The following XYLT1 variants were observed in gnomAD, a reference collection of about 807,000 sequenced individuals.
XYLT1 encodes beta-D-xylosyltransferase 1.
In XYLT1, 36 loss-of-function variants were observed where a neutral mutation model predicts 91.3. The observed-to-expected ratio is 0.39, with a 90% confidence interval of 0.30 to 0.52. The LOEUF (loss-of-function observed/expected upper bound fraction) is 0.52, where lower values mean the gene tolerates loss of function less well. XYLT1 is among the 20% of genes least tolerant of loss of function. The pLI is 0.68. For missense variants in XYLT1, 1,242 were observed against 1,284.5 expected (o/e 0.97, Z 0.51); for synonymous variants, 588 against 532.0 (o/e 1.11, Z -1.45).
At chr16:17,453,036 T>C (rs1333016170) in intron 1 of XYLT1, among the ~76,000 whole-genome samples, 2 of 152,238 alleles carry the variant, frequency 1.3e-5, no homozygotes, top group Non-Finnish European at 2.9e-5. Flanking sequence ...CATCTGGGAA[T>C]TCCACTCTGG....
intron 2 of XYLT1, among the ~76,000 whole-genome samples, chr16:17,261,889 C>T (rs1448213442): frequency 6.6e-6 from 1 of 152,120 alleles, no homozygotes; most frequent in Admixed American, 6.5e-5. Context: ...TAAATGAGGG[C>T]CTTCTGCTTC....
rs1966768417 is a variant in XYLT1 at position 17,105,960 on chromosome 16, C to T, written c.*2735G>A. 1 of 151,752 alleles carries T rather than the reference C, an allele frequency of 6.6e-6. No homozygotes were observed. Among genetic ancestry groups the T allele is most frequent in the Non-Finnish European group, 1.5e-5 (1 of 67,980 alleles). 9.4% of individuals were successfully genotyped at this position (151,752 alleles called of 1,614,324 possible). On this transcript the variant is annotated 3_prime_UTR_variant, in exon 12 of 12. Coordinates refer to ENST00000261381, the MANE Select transcript of XYLT1 (RefSeq NM_022166.4). ...CACAAAAACACAACAAATGTAATAT[C>T]TGCAACCTTATTCTCTGGTCTATTA...
At chr16:17,275,754 C>T (rs2033963670) in intron 2 of XYLT1, among the ~76,000 whole-genome samples, 1 of 152,160 alleles carries the variant, frequency 6.6e-6, no homozygotes, top group Admixed American at 6.5e-5. Context: ...TTCTCCGATC[C>T]AGGTCCTCTG....
chr16:17,240,636 C>G (rs1470968886), intron 3 of XYLT1, among the ~76,000 whole-genome samples: 1 of 152,182 alleles, frequency 6.6e-6, no homozygotes, highest in Non-Finnish European at 1.5e-5. Context: ...CTTTTTCAAG[C>G]TCTTCGGGAC....
At chr16:17,222,593 C>T (rs1597203422) in intron 3 of XYLT1, among the ~76,000 whole-genome samples, 1 of 152,168 alleles carries the variant, frequency 6.6e-6, no homozygotes, top group East Asian at 1.9e-4. Context: ...AGTTCAAGAT[C>T]AGCCTGGCCA....
chr16:17,403,902 G>A (rs7205675), intron 1 of XYLT1, among the ~76,000 whole-genome samples: 1,528 of 152,332 alleles, frequency 0.01, 28 homozygotes, highest in African/African-American at 0.035. Context: ...AGAGCAGCTT[G>A]AAACGCTGGA....
At chr16:17,356,326 C>T (rs1229315289) in intron 2 of XYLT1, among the ~76,000 whole-genome samples, 3 of 152,096 alleles carry the variant, frequency 2.0e-5, no homozygotes, top group Admixed American at 6.6e-5. Flanking sequence ...TAAGGACAGA[C>T]AAAACCAAGC....
chr16:17,196,667 C>A (rs1013139980), intron 5 of XYLT1, among the ~76,000 whole-genome samples: 1 of 152,132 alleles, frequency 6.6e-6, no homozygotes, highest in Non-Finnish European at 1.5e-5. Flanking sequence ...TGGCCTCATG[C>A]CATCAGAGGG....
chr16:17,142,242 G>A (rs1365178584), intron 6 of XYLT1, among the ~76,000 whole-genome samples: 1 of 152,122 alleles, frequency 6.6e-6, no homozygotes, highest in Non-Finnish European at 1.5e-5. Context: ...TTAGGCTGGC[G>A]TAAAACTCCT....
chr16:17,283,432 CAA>C (rs1184532766), intron 2 of XYLT1, among the ~76,000 whole-genome samples: 1 of 152,150 alleles, frequency 6.6e-6, no homozygotes, highest in Non-Finnish European at 1.5e-5. Flanking sequence ...CCAAACACAG[CAA>C]AGTCCAGGTC....
intron 2 of XYLT1, among the ~76,000 whole-genome samples, chr16:17,348,659 C>A (rs540617775): frequency 2.6e-5 from 4 of 152,340 alleles, no homozygotes; most frequent in African/African-American, 9.6e-5. Flanking sequence ...CCCTCCAGCT[C>A]TCACGTTCCC....
intron 1 of XYLT1, among the ~76,000 whole-genome samples, chr16:17,386,136 A>G (rs915469017): frequency 6.6e-6 from 1 of 152,160 alleles, no homozygotes; most frequent in Non-Finnish European, 1.5e-5. Context: ...GTAACAGCTG[A>G]GAAACACTTT....
chr16:17,276,277 G>A (rs943942813), intron 2 of XYLT1, among the ~76,000 whole-genome samples: 1 of 152,232 alleles, frequency 6.6e-6, no homozygotes, highest in African/African-American at 2.4e-5. Flanking sequence ...AGTTCCTGAA[G>A]GAGGCTGCCA....
At chr16:17,112,272 TTGA>T (rs1966843262) in intron 11 of XYLT1, among the ~76,000 whole-genome samples, 1 of 152,132 alleles carries the variant, frequency 6.6e-6, no homozygotes, top group African/African-American at 2.4e-5. Context: ...AAAATTACTC[TTGA>T]TGAATCATTT....
chr16:17,202,858 A>G (rs76717717), intron 3 of XYLT1, among the ~76,000 whole-genome samples: 3,384 of 150,830 alleles, frequency 0.022, 130 homozygotes, highest in African/African-American at 0.077. Context: ...TCTGACACAC[A>G]TCTGGTTCTC....
intron 1 of XYLT1, among the ~76,000 whole-genome samples, chr16:17,409,441 C>A (rs1321323019): frequency 6.6e-6 from 1 of 152,020 alleles, no homozygotes; most frequent in Non-Finnish European, 1.5e-5. Context: ...TGAACCACAG[C>A]GATCTTCCTA....
At chr16:17,292,669 A>G (rs1411676878) in intron 2 of XYLT1, among the ~76,000 whole-genome samples, 1 of 152,244 alleles carries the variant, frequency 6.6e-6, no homozygotes, top group Non-Finnish European at 1.5e-5. Flanking sequence ...CCACCAGAAT[A>G]GCAATGGGAA....
At chr16:17,136,875 G>A (rs139278976) in intron 8 of XYLT1, among the ~76,000 whole-genome samples, 19 of 152,234 alleles carry the variant, frequency 1.2e-4, no homozygotes, top group South Asian at 4.2e-4. Flanking sequence ...AAATGCTTGT[G>A]CCTGGGGGAG....
intron 5 of XYLT1, among the ~76,000 whole-genome samples, chr16:17,166,039 T>C (rs911230264): frequency 6.6e-6 from 1 of 152,242 alleles, no homozygotes; most frequent in African/African-American, 2.4e-5. Flanking sequence ...TTGGGATGTC[T>C]TGCAGAGCTG....
Sources: gnomAD v4.1 joint callset for allele counts (sites outside exome capture counted in the v4.1 genomes callset) on GRCh38, gnomAD v4.1.1 for gene constraint, MANE v1.5 for transcripts, NCBI Gene and HGNC (gene_info 2026-07-23, HGNC 2026-07-21) for gene names.